The following PACSIN1 variants were observed in gnomAD, a reference collection of about 807,000 sequenced individuals.
PACSIN1 encodes protein kinase C and casein kinase substrate in neurons protein 1.
Under a neutral mutation model 59.5 loss-of-function variants are expected in PACSIN1, and 15 were observed. The observed-to-expected ratio is 0.25, with a 90% confidence interval of 0.17 to 0.39. The LOEUF is 0.39. Among genes scored for constraint, PACSIN1 ranks in the 10% least tolerant of loss-of-function variants. The probability of loss-of-function intolerance (pLI) is 1.00; values close to 1 mark genes in which losing one functional copy is unlikely to be tolerated. For synonymous variants in PACSIN1, 210 were observed against 220.6 expected, an observed-to-expected ratio of 0.95 and a Z score of 0.42; for missense variants, 420 against 580.2, an observed-to-expected ratio of 0.72 and a Z score of 2.84.
At chr6:34,469,790 G>A (rs1004689547) in intron 1 of PACSIN1, among the ~76,000 whole-genome samples, 7 of 152,204 alleles carry the variant, frequency 4.6e-5, no homozygotes, top group Non-Finnish European at 7.4e-5. Flanking sequence ...CAGGAAAGAT[G>A]GGTTGGGAGG....
chr6:34,482,654 G>T (rs1243531826), intron 1 of PACSIN1, among the ~76,000 whole-genome samples: 4 of 150,422 alleles, frequency 2.7e-5, no homozygotes, highest in African/African-American at 9.8e-5. Context: ...GAATTGCTGG[G>T]TCATATGGTA....
chr6:34,527,772 C>T, intron 3 of PACSIN1: 1 of 269,476 alleles, frequency 3.7e-6, no homozygotes, highest in Non-Finnish European at 6.9e-6. Context: ...CATACCCTTC[C>T]CCCAGGCTCA....
chr6:34,506,917 C>A (rs949966433), intron 1 of PACSIN1, among the ~76,000 whole-genome samples: 1 of 152,092 alleles, frequency 6.6e-6, no homozygotes, highest in African/African-American at 2.4e-5. Flanking sequence ...GTCACCCTGG[C>A]GGTGGGGGAT....
intron 1 of PACSIN1, among the ~76,000 whole-genome samples, chr6:34,510,221 G>C (rs1487089543): frequency 1.3e-5 from 2 of 152,210 alleles, no homozygotes; most frequent in East Asian, 3.8e-4. Flanking sequence ...TTCTTAACTG[G>C]TCTCCTTGCC....
In PACSIN1 at chr6:34,521,130, G is replaced by A. The variant is rs1325376816; in HGVS notation, c.-63-5113G>A. On this transcript the variant is annotated intron_variant, in intron 1 of 9. Coordinates refer to ENST00000244458, the MANE Select transcript of PACSIN1 (RefSeq NM_020804.5). The surrounding 1 kb of genome is among the most constrained non-coding windows in gnomAD (Gnocchi z 4.3). Reference sequence around the variant, plus strand: ...ACCAGACAGATAAACACCGCTGACTGGACTAAGTGACATTCCTGTGGGAAG... The same window carrying A: ...ACCAGACAGATAAACACCGCTGACTAGACTAAGTGACATTCCTGTGGGAAG... Among the ~76,000 whole-genome samples the A allele has an allele frequency of 1.3e-5, 2 of 152,196 alleles. No individual in the cohort carries two copies. Among genetic ancestry groups the A allele is most frequent in the Non-Finnish European group, 1.5e-5 (1 of 68,046 alleles).
chr6:34,520,343 G>C (rs1247511756), intron 1 of PACSIN1, among the ~76,000 whole-genome samples: 2 of 152,214 alleles, frequency 1.3e-5, no homozygotes, highest in Non-Finnish European at 2.9e-5. Flanking sequence ...GAGACCCTGG[G>C]GGATAGGCAG....
At chr6:34,507,162 C>T (rs4713807) in intron 1 of PACSIN1, among the ~76,000 whole-genome samples, 55,961 of 151,932 alleles carry the variant, frequency 0.37, 11,469 homozygotes, top group Middle Eastern at 0.51. Flanking sequence ...GACCTATCAG[C>T]AGGAAGCAAA....
rs1287309799 is a variant in PACSIN1 at position 34,529,849 on chromosome 6, G to A, written c.788+8G>A. The A allele has an allele frequency of 1.2e-6, 2 of 1,611,582 alleles. No individual in the cohort carries two copies. Among genetic ancestry groups the A allele is most frequent in the African/African-American group, 2.7e-5 (2 of 74,822 alleles). On this transcript the variant is annotated splice_region_variant and intron_variant, in intron 6 of 9. Coordinates refer to ENST00000244458, the MANE Select transcript of PACSIN1 (RefSeq NM_020804.5). The surrounding 1 kb of genome is among the most constrained non-coding windows in gnomAD (Gnocchi z 6.3). ...CCTGGCTGAGAACAGCAGGTACCTG[G>A]GCATGGCAGGCACCGAGGGCACAGG...
At chr6:34,522,691 C>T (rs919420830) in intron 1 of PACSIN1, among the ~76,000 whole-genome samples, 3 of 152,182 alleles carry the variant, frequency 2.0e-5, no homozygotes, top group Non-Finnish European at 2.9e-5. Context: ...CCAGGGGAGC[C>T]GGTACCATGG....
intron 1 of PACSIN1, 29 bp from the exon 2 acceptor site, chr6:34,526,214 C>T: frequency 9.2e-7 from 1 of 1,086,234 alleles, no homozygotes. Context: ...CTTCCCTCAT[C>T]TCCAGGGATC....
In PACSIN1 at chr6:34,488,654, A is replaced by G. The variant is rs139074981; in HGVS notation, c.-64+22384A>G. On this transcript the variant is annotated intron_variant, in intron 1 of 9. Coordinates refer to ENST00000244458, the MANE Select transcript of PACSIN1 (RefSeq NM_020804.5). This position sits in a 1 kb window ranked among gnomAD's most constrained non-coding sequence, Gnocchi z 4.7. ...CTCAGCACCATACAGTAGTCATTAG[A>G]GTGTGTGCCATGTTCCAGAAGACAG... Among the ~76,000 whole-genome samples the G allele has an allele frequency of 6.8e-4, 103 of 152,232 alleles. 1 individual carries two copies. The highest frequency in any genetic ancestry group is 4.4e-4 in the Non-Finnish European group (30 of 68,022).
At chr6:34,476,828 A>T (rs555360036) in intron 1 of PACSIN1, among the ~76,000 whole-genome samples, 173 of 152,292 alleles carry the variant, frequency 1.1e-3, no homozygotes, top group African/African-American at 3.9e-3. Flanking sequence ...CTTTCCTGCC[A>T]AACAGGGCCA....
chr6:34,502,031 CAAAAAAAA>C (rs55848755), intron 1 of PACSIN1, among the ~76,000 whole-genome samples: 11,386 of 67,274 alleles, frequency 0.17, 494 homozygotes, highest in Non-Finnish European at 0.2. Context: ...GACTCTGTCT[CAAAAAAAA>C]AAAAAAAAAA....
At chr6:34,477,327 T>C (rs1204662338) in intron 1 of PACSIN1, among the ~76,000 whole-genome samples, 1 of 148,204 alleles carries the variant, frequency 6.7e-6, no homozygotes, top group Non-Finnish European at 1.5e-5. Context: ...GCTGTCTCTA[T>C]TTAAAAAAAA....
chr6:34,518,142 C>A lies in PACSIN1; in HGVS notation c.-63-8101C>A, dbSNP rs1350788252. On this transcript the variant is annotated intron_variant, in intron 1 of 9. Transcript: ENST00000244458. This position sits in a 1 kb window ranked among gnomAD's most constrained non-coding sequence, Gnocchi z 4.4. Reference sequence around the variant, plus strand: ...ACCAGAGCTGCTCTGCCCGGCCAGGCCCCGGAAGAGGGCAAGCTGCATGCA... The same window carrying A: ...ACCAGAGCTGCTCTGCCCGGCCAGGACCCGGAAGAGGGCAAGCTGCATGCA... Among the ~76,000 whole-genome samples, 1 of 152,222 alleles carries A rather than the reference C, an allele frequency of 6.6e-6. No individual in the cohort carries two copies. Among genetic ancestry groups the A allele is most frequent in the African/African-American group, 2.4e-5 (1 of 41,460 alleles).
At chr6:34,506,026 A>T (rs73407703) in intron 1 of PACSIN1, among the ~76,000 whole-genome samples, 1,965 of 152,210 alleles carry the variant, frequency 0.013, 38 homozygotes, top group African/African-American at 0.045. Flanking sequence ...TTTCTACATA[A>T]TTGCTTAGGC....
chr6:34,508,914 A>G (rs983839214), intron 1 of PACSIN1, among the ~76,000 whole-genome samples: 1 of 152,182 alleles, frequency 6.6e-6, no homozygotes, highest in African/African-American at 2.4e-5. Context: ...TTTGGATCCT[A>G]GTCCCTTGTT....
rs1213404745 is a variant in PACSIN1, at chr6:34,530,727, T to C, written c.1037+140T>C. The C allele has an allele frequency of 9.4e-6, 9 of 961,206 alleles. No individual in the cohort carries two copies. The highest frequency in any genetic ancestry group is 1.3e-5 in the Non-Finnish European group (9 of 715,618). 59.5% of individuals were successfully genotyped at this position (961,206 alleles called of 1,614,324 possible). On this transcript the variant is annotated intron_variant, in intron 8 of 9. Coordinates refer to ENST00000244458, the MANE Select transcript of PACSIN1 (RefSeq NM_020804.5). This position sits in a 1 kb window ranked among gnomAD's most constrained non-coding sequence, Gnocchi z 4.4. ...CTAAAAGATAGTGGTAGTTCATCAC[T>C]CTAAAGCAGCCGTCCCCAATCTTTT...
chr6:34,532,416 C>A lies in PACSIN1; in HGVS notation c.1226-5C>A, dbSNP rs1201878765. The A allele has an allele frequency of 6.4e-7, 1 of 1,558,566 alleles. No homozygotes were observed. On this transcript the variant is annotated splice_region_variant and splice_polypyrimidine_tract_variant and intron_variant, in intron 9 of 9. Coordinates refer to ENST00000244458, the MANE Select transcript of PACSIN1 (RefSeq NM_020804.5). The surrounding 1 kb of genome is among the most constrained non-coding windows in gnomAD (Gnocchi z 5.2). ...CTGAGCCCCTCCCTGTGTTCTCTTT[C>A]CCAGGAGACGAACTCACCAAGCTGG... is the stretch of plus-strand genomic sequence containing the variant.
Sources: gnomAD v4.1 joint callset for allele counts (sites outside exome capture counted in the v4.1 genomes callset) on GRCh38, gnomAD v4.1.1 for gene constraint, Gnocchi (gnomAD v3.1) non-coding constraint, MANE v1.5 for transcripts, NCBI Gene and HGNC (gene_info 2026-07-23, HGNC 2026-07-21) for gene names.